The following PCNX4 variants were observed in gnomAD, a reference collection of about 807,000 sequenced individuals.
The protein encoded by PCNX4 is pecanex 4.
PCNX4 carries 103 observed loss-of-function variants against 107.2 expected under a neutral mutation model. The ratio of observed to expected loss-of-function variants is 0.96; its 90% CI spans 0.82 to 1.13. The LOEUF is 1.13. Ranked by LOEUF, PCNX4 falls within the 50% of genes most tolerant of loss-of-function variation. The pLI, the probability that PCNX4 is intolerant of heterozygous loss-of-function variation, is 0.00. For synonymous variants in PCNX4, 541 were observed against 481.7 expected, an observed-to-expected ratio of 1.12 and a Z score of -1.61; for missense variants, 1,528 against 1,379.4, an observed-to-expected ratio of 1.11 and a Z score of -1.71.
chr14:60,118,739 A>G (rs1012562498), intron 7 of PCNX4, 47 bp downstream of exon 7: 2 of 1,487,324 alleles, frequency 1.3e-6, no homozygotes, highest in South Asian at 2.9e-5. Context: ...ATGTATTTAA[A>G]GTACAAAAAA....
chr14:60,140,547 C>G lies in PCNX4; in HGVS notation c.*6326C>G, dbSNP rs1239381078. On this transcript the variant is annotated 3_prime_UTR_variant, in exon 11 of 11. Transcript: ENST00000406854. This position sits in a 1 kb window ranked among gnomAD's most constrained non-coding sequence, Gnocchi z 4.2. ...GAGAAAGGGACCTATTTCATTCCCC[C>G]CAACATCAATGCAAAAATCCCAAAC... The G allele has an allele frequency of 2.0e-5, 3 of 151,940 alleles. No homozygotes were observed. The highest frequency in any genetic ancestry group is 4.4e-5 in the Non-Finnish European group (3 of 67,962). 9.4% of individuals were successfully genotyped at this position (151,940 alleles called of 1,614,324 possible). A position where few individuals can be genotyped will look rare whatever the true frequency, so the allele number is the denominator to read the frequency against.
chr14:60,138,443 AAC>A lies in PCNX4; in HGVS notation c.*4226_*4227del, dbSNP rs954125441. ...CTTAGCACATCCTAAGAAAAAATAA[AAC>A]ACAAAAAGAAAATCATTAAAGGAGC... is the stretch of plus-strand genomic sequence containing the variant. On this transcript the variant is annotated 3_prime_UTR_variant, in exon 11 of 11. Coordinates refer to ENST00000406854, the MANE Select transcript of PCNX4 (RefSeq NM_001330177.2). 2.0e-5 allele frequency: 3 copies of A among 152,210 alleles called. No homozygotes were observed. Among genetic ancestry groups the A allele is most frequent in the Admixed American group, 2.0e-4 (3 of 15,276 alleles). 9.4% of individuals were successfully genotyped at this position (152,210 alleles called of 1,614,324 possible).
chr14:60,100,773 A>G (rs913737919), intron 1 of PCNX4, among the ~76,000 whole-genome samples: 4 of 152,210 alleles, frequency 2.6e-5, no homozygotes, highest in African/African-American at 4.8e-5. Context: ...TGACTTTCCA[A>G]TCTGACTCTG....
chr14:60,117,893 A>G (rs928364582), intron 6 of PCNX4, among the ~76,000 whole-genome samples: 2 of 152,110 alleles, frequency 1.3e-5, no homozygotes, highest in Non-Finnish European at 2.9e-5. Context: ...ATTTTGTAGT[A>G]TTGAAGCCAT....
intron 8 of PCNX4, among the ~76,000 whole-genome samples, chr14:60,122,364 C>T (rs1223758853): frequency 6.8e-6 from 1 of 146,508 alleles, no homozygotes; most frequent in Non-Finnish European, 1.5e-5. Flanking sequence ...AATGGCTAGG[C>T]TTCCTATTCC....
At chr14:60,129,019 C>G (rs1334356748) in intron 10 of PCNX4, among the ~76,000 whole-genome samples, 1 of 150,922 alleles carries the variant, frequency 6.6e-6, no homozygotes, top group Non-Finnish European at 1.5e-5. Context: ...TTGAGACCAG[C>G]CTGGCCAACA....
intron 7 of PCNX4, 87 bp from the exon 8 acceptor site, chr14:60,121,106 CTTT>C: frequency 6.9e-7 from 1 of 1,446,964 alleles, no homozygotes; most frequent in Non-Finnish European, 9.1e-7. Flanking sequence ...TTCTAGATGT[CTTT>C]TTAGTTTTGA....
Position 60,107,821 on chromosome 14 carries a change from A to T in PCNX4, c.183A>T (p.Leu61Phe), listed in dbSNP as rs12465. Residue 61 changes from leucine to phenylalanine, a missense_variant, in exon 2 of 11, where the codon TTA becomes TTT. Transcript: ENST00000406854. ...PWVWGGVGTL[L>F]YQLGILKDYY... ...TTTGGGGTGGAGTCGGAACACTTTT[A>T]TACCAGTTAGGCATCCTGAAAGACT... 2.2e-5 allele frequency: 35 copies of T among 1,612,674 alleles called. No homozygotes were observed. Among genetic ancestry groups the T allele is most frequent in the Admixed American group, 3.3e-5 (2 of 60,018 alleles).
intron 1 of PCNX4, among the ~76,000 whole-genome samples, chr14:60,100,371 T>A (rs1895506930): frequency 1.3e-5 from 2 of 152,202 alleles, no homozygotes; most frequent in Admixed American, 6.5e-5. Context: ...CCATCTTGGC[T>A]CACTACAACC....
rs201294965 is a variant in PCNX4, at chr14:60,118,431, A to G, written c.1681A>G (p.Thr561Ala). Reference sequence around the variant, plus strand: ...GACAGAGAAAAAACAACGTCGAAAAACAACTGCCACTTTATGTATACTCAA... The same window carrying G: ...GACAGAGAAAAAACAACGTCGAAAAGCAACTGCCACTTTATGTATACTCAA... ...SWTEKKQRRK[T>A]TATLCILNIV... The change falls in exon 7 of 11, where the codon ACA becomes GCA. Residue 561 changes from threonine to alanine, a missense_variant. By Grantham distance (58) the Thr-to-Ala change is moderately conservative. Coordinates refer to ENST00000406854, the MANE Select transcript of PCNX4 (RefSeq NM_001330177.2). The G allele has an allele frequency of 4.5e-4, 731 of 1,613,618 alleles. 1 individual carries two copies. In the African/African-American group the frequency reaches 8.5e-3, roughly 19 times the overall value.
At chr14:60,117,085 A>G (rs950977493) in intron 6 of PCNX4, among the ~76,000 whole-genome samples, 1 of 152,206 alleles carries the variant, frequency 6.6e-6, no homozygotes, top group African/African-American at 2.4e-5. Flanking sequence ...AGTAAGCTGA[A>G]GTTAATTTAT....
At position 60,124,524 on chromosome 14, in the gene PCNX4, A is replaced by G. The variant is rs1273913335; in HGVS notation, c.2353A>G (p.Thr785Ala). The G allele has an allele frequency of 6.2e-7, 1 of 1,613,670 alleles. No homozygotes were observed. The highest frequency in any genetic ancestry group is 8.5e-7 in the Non-Finnish European group (1 of 1,179,786). Reference sequence around the variant, plus strand: ...TGGCATGAAAGAGAATGTTCACAACACTGAAAATAAAGGGAAAGCACCTCT... The same window carrying G: ...TGGCATGAAAGAGAATGTTCACAACGCTGAAAATAAAGGGAAAGCACCTCT... ...RPGMKENVHN[T>A]ENKGKAPLML... The change falls in exon 9 of 11, where the codon ACT (threonine) becomes GCT (alanine). Residue 785 changes from threonine (T) to alanine (A), a missense_variant. Transcript: ENST00000406854.
At chr14:60,099,827 G>A (rs1226502267) in intron 1 of PCNX4, among the ~76,000 whole-genome samples, 2 of 152,090 alleles carry the variant, frequency 1.3e-5, no homozygotes, top group African/African-American at 2.4e-5. Flanking sequence ...ACTTTGGGAG[G>A]CTGAGGCAGG....
In PCNX4 at chr14:60,107,782, T is replaced by G. The variant is rs1472656056; in HGVS notation, c.144T>G (p.Phe48Leu). 6.2e-7 allele frequency: 1 copy of G among 1,612,812 alleles called. No homozygotes were observed. Among genetic ancestry groups the G allele is most frequent in the Non-Finnish European group, 8.5e-7 (1 of 1,179,832 alleles). The change falls in exon 2 of 11, where the codon TTT becomes TTG. Residue 48 changes from phenylalanine (F) to leucine (L), a missense_variant. Transcript: ENST00000406854. ...PYIYVNQIIL[F>L]LMPWVWGGVG... is the part of the protein sequence containing the mutation. ...TATATGTTAATCAAATTATTCTTTTTCTAATGCCATGGGTTTGGGGTGGAG... is the reference window on the plus strand; with the variant it reads ...TATATGTTAATCAAATTATTCTTTTGCTAATGCCATGGGTTTGGGGTGGAG...
In PCNX4 at chr14:60,115,043, T is replaced by G. The variant is rs1400561983; in HGVS notation, c.939T>G (p.Gly313=). Residue 313 remains glycine (G), a synonymous_variant, in exon 4 of 11, where the codon GGT becomes GGG. Transcript: ENST00000406854. The stretch of plus-strand genomic sequence containing the variant: ...CATATTTCATTCCAAGCACTGTTGG[T>G]GTGGTTCTTTTCATGACTGGATTTG... ...IASYFIPSTV[G]VVLFMTGFGF... is the part of the protein sequence containing the mutation. 6.2e-7 allele frequency: 1 copy of G among 1,613,628 alleles called. No individual in the cohort carries two copies. Among genetic ancestry groups the G allele is most frequent in the African/African-American group, 1.3e-5 (1 of 74,878 alleles).
intron 10 of PCNX4, among the ~76,000 whole-genome samples, chr14:60,132,439 A>G (rs2140569413): frequency 6.6e-6 from 1 of 152,296 alleles, no homozygotes; most frequent in East Asian, 1.9e-4. Flanking sequence ...ACCTTACTTT[A>G]TATACGGTAT....
At chr14:60,112,357 CTG>C (rs753565039) in intron 2 of PCNX4, among the ~76,000 whole-genome samples, 36 of 152,150 alleles carry the variant, frequency 2.4e-4, no homozygotes, top group Admixed American at 7.9e-4. Flanking sequence ...ATCTTAAAAA[CTG>C]AGATTTTTTT....
rs770334453 is a variant in PCNX4 at position 60,144,850 on chromosome 14, T to C, written c.*10629T>C. ...ATTCCATGTTGGAAGCAAAGTCATATCTATTAAAAAGTAAAATCACAAATT... is the reference window on the plus strand; with the variant it reads ...ATTCCATGTTGGAAGCAAAGTCATACCTATTAAAAAGTAAAATCACAAATT... On this transcript the variant is annotated 3_prime_UTR_variant, in exon 11 of 11. Transcript: ENST00000406854. The C allele has an allele frequency of 5.8e-6, 5 of 862,058 alleles. No individual in the cohort carries two copies. The highest frequency in any genetic ancestry group is 4.1e-5 in the Admixed American group (2 of 49,016). 53.4% of individuals were successfully genotyped at this position (862,058 alleles called of 1,614,324 possible). A position where few individuals can be genotyped will look rare whatever the true frequency, so the allele number is the denominator to read the frequency against.
At chr14:60,122,547 A>G (rs1306056589) in intron 8 of PCNX4, among the ~76,000 whole-genome samples, 1 of 151,782 alleles carries the variant, frequency 6.6e-6, no homozygotes, top group East Asian at 1.9e-4. Flanking sequence ...TCATATTTAA[A>G]ATTACACTCC....
Sources: gnomAD v4.1 joint callset for allele counts (sites outside exome capture counted in the v4.1 genomes callset) on GRCh38, gnomAD v4.1.1 for gene constraint, Gnocchi (gnomAD v3.1) non-coding constraint, MANE v1.5 for transcripts, NCBI Gene and HGNC (gene_info 2026-07-23, HGNC 2026-07-21) for gene names.